Variants in PTPN13 observed in about 807,000 individuals in gnomAD.
The protein encoded by PTPN13 is tyrosine-protein phosphatase non-receptor type 13.
Under a neutral mutation model 284.0 loss-of-function variants are expected in PTPN13, and 191 were observed. The ratio of observed to expected loss-of-function variants is 0.67; its 90% CI spans 0.60 to 0.76. The LOEUF (loss-of-function observed/expected upper bound fraction) is 0.76. Among genes scored for constraint, PTPN13 ranks in the 30% least tolerant of loss-of-function variants. The pLI, the probability that PTPN13 is intolerant of heterozygous loss-of-function variation, is 0.00. For missense variants in PTPN13, 2,797 were observed against 2,939.9 expected, an observed-to-expected ratio of 0.95 and a Z score of 1.12; for synonymous variants, 986 against 1,022.3, an observed-to-expected ratio of 0.96 and a Z score of 0.68.
At chr4:86,759,172 T>C (rs1224139090) in intron 23 of PTPN13, 99 bp downstream of exon 23, 5 of 1,255,586 alleles carry the variant, frequency 4.0e-6, no homozygotes, top group Non-Finnish European at 4.4e-6. Context: ...GTGTACAAAA[T>C]TGATGCAACT....
intron 40 of PTPN13, among the ~76,000 whole-genome samples, chr4:86,796,457 A>T (rs1272443013): frequency 1.3e-5 from 2 of 152,002 alleles, no homozygotes; most frequent in African/African-American, 4.8e-5. Flanking sequence ...CAACATAGTG[A>T]GATCCCATCT....
chr4:86,799,300 T>A, intron 42 of PTPN13, 96 bp downstream of exon 42: 1 of 711,862 alleles, frequency 1.4e-6, no homozygotes, highest in Non-Finnish European at 2.2e-6. Context: ...TGTTTTACCA[T>A]ATGTATACAT....
At chr4:86,790,086 G>T (rs527556767) in intron 40 of PTPN13, among the ~76,000 whole-genome samples, 12 of 152,116 alleles carry the variant, frequency 7.9e-5, no homozygotes, top group Non-Finnish European at 1.3e-4. Context: ...TATATTCTTA[G>T]ACCAGGATTG....
chr4:86,632,052 A>ATCCTTCCTTCCTTCCTTCCT (rs148756344), intron 1 of PTPN13, among the ~76,000 whole-genome samples: 11 of 151,830 alleles, frequency 7.2e-5, no homozygotes, highest in Non-Finnish European at 1.3e-4. Flanking sequence ...TTGTCCTTCC[A>ATCCTTCCTTCCTTCCTTCCT]TCCTTCCTTA....
rs768524267 is a variant in PTPN13, at chr4:86,765,490, T to C, written c.4243+2T>C. 1.0e-4 allele frequency: 161 copies of C among 1,559,688 alleles called. No individual in the cohort carries two copies. Among genetic ancestry groups the C allele is most frequent in the Middle Eastern group, 6.7e-4 (4 of 5,994 alleles). On this transcript the variant is annotated splice_donor_variant, in intron 26 of 47. Transcript: ENST00000411767. LOFTEE classifies it high-confidence loss of function. ...AGTCTGATGGTAGAATTCACAAAGG[T>C]ATAGTGTTTATATTATGTGGGAATT...
At chr4:86,698,014 T>C (rs1157543963) in intron 6 of PTPN13, among the ~76,000 whole-genome samples, 1 of 152,204 alleles carries the variant, frequency 6.6e-6, no homozygotes, top group Non-Finnish European at 1.5e-5. Context: ...ATAAAGTATA[T>C]TTATTGTTTG....
rs565114405 is a variant in PTPN13 at position 86,618,391 on chromosome 4, G to T, written c.-5-16861G>T. Among the ~76,000 whole-genome samples the T allele has an allele frequency of 3.3e-5, 5 of 152,232 alleles. No individual in the cohort carries two copies. The South Asian group carries it at 6.2e-4, about 19-fold the overall frequency. ...CTCCAGCTTTGTTCTTTTGGCTTAG[G>T]ATTGACTTGGCGATGTGGGCTCTTT... On this transcript the variant is annotated intron_variant, in intron 1 of 47. Coordinates refer to ENST00000411767, the MANE Select transcript of PTPN13 (RefSeq NM_080683.3).
In PTPN13 at chr4:86,693,664, A is replaced by ATC; in HGVS notation, c.625_626insCT (p.Leu209SerfsTer13). On this transcript the variant is annotated frameshift_variant, in exon 6 of 48. Transcript: ENST00000411767. LOFTEE classifies it high-confidence loss of function. ...TTCGAGATCGATTGCGAGGAAAAGG[A>ATC]TTACCAACAGGTAAGAGTATATTAA... is the stretch of plus-strand genomic sequence containing the variant. The ATC allele has an allele frequency of 6.4e-7, 1 of 1,551,072 alleles. No homozygotes were observed. Among genetic ancestry groups the ATC allele is most frequent in the Non-Finnish European group, 8.7e-7 (1 of 1,144,712 alleles).
intron 1 of PTPN13, chr4:86,595,857 T>C: frequency 2.1e-5 from 12 of 564,590 alleles, no homozygotes; most frequent in Non-Finnish European, 2.7e-5. Flanking sequence ...GGGGGGGGAG[T>C]AAAAGTGCAT....
At position 86,594,713 on chromosome 4, in the gene PTPN13, G is replaced by T. The variant is rs1005593673; in HGVS notation, c.-82G>T. 2.6e-5 allele frequency: 4 copies of T among 152,550 alleles called. No homozygotes were observed. The highest frequency in any genetic ancestry group is 9.6e-5 in the African/African-American group (4 of 41,562). 9.4% of individuals were successfully genotyped at this position (152,550 alleles called of 1,614,324 possible). Reference sequence around the variant, plus strand: ...CTCTCGGCGCCCGCGGCGGCTGCCGGCGGCCCGCCCCGACGCCGCGTCCCT... The same window carrying T: ...CTCTCGGCGCCCGCGGCGGCTGCCGTCGGCCCGCCCCGACGCCGCGTCCCT... On this transcript the variant is annotated 5_prime_UTR_variant, in exon 1 of 48. Coordinates refer to ENST00000411767, the MANE Select transcript of PTPN13 (RefSeq NM_080683.3).
intron 3 of PTPN13, among the ~76,000 whole-genome samples, chr4:86,682,124 T>C (rs1029937527): frequency 2.0e-5 from 3 of 152,256 alleles, no homozygotes; most frequent in African/African-American, 7.2e-5. Context: ...CTCCCTAGTT[T>C]AGTGACTTTC....
chr4:86,706,441 G>A (rs1015901524), intron 7 of PTPN13, among the ~76,000 whole-genome samples: 1 of 152,136 alleles, frequency 6.6e-6, no homozygotes, highest in Non-Finnish European at 1.5e-5. Flanking sequence ...GATAGTATTA[G>A]GAAAGGCTAA....
In PTPN13 at chr4:86,775,317, A is replaced by C. The variant is rs12507034; in HGVS notation, c.5655A>C (p.Thr1885=). ...PMLPHLLPDI[T]LTCNKEELGF... The stretch of plus-strand genomic sequence containing the variant: ...TGCCTCATTTGCTACCGGACATAAC[A>C]CTAACGTGCAACAAAGAGGAGTTGG... The change falls in exon 34 of 48, where the codon ACA becomes ACC. Residue 1885 remains threonine, a synonymous_variant. Transcript: ENST00000411767. 2 of 1,610,142 alleles carry C rather than the reference A, an allele frequency of 1.2e-6. No homozygotes were observed. The highest frequency in any genetic ancestry group is 2.7e-5 in the African/African-American group (2 of 74,768).
chr4:86,656,173 T>C (rs569896763), intron 2 of PTPN13, among the ~76,000 whole-genome samples: 1 of 152,220 alleles, frequency 6.6e-6, no homozygotes, highest in East Asian at 1.9e-4. Flanking sequence ...TTAGCTTCTT[T>C]GCGATGAGTT....
At chr4:86,713,988 C>T (rs1732718126) in intron 7 of PTPN13, among the ~76,000 whole-genome samples, 1 of 151,748 alleles carries the variant, frequency 6.6e-6, no homozygotes, top group South Asian at 2.1e-4. Context: ...AATTCCTCAC[C>T]CACCTTGATT....
chr4:86,638,653 C>G lies in PTPN13; in HGVS notation c.115+3282C>G, dbSNP rs1342771219. On this transcript the variant is annotated intron_variant, in intron 2 of 47. Coordinates refer to ENST00000411767, the MANE Select transcript of PTPN13 (RefSeq NM_080683.3). ...GTAGAAAGCTGAAACTGGATCCCTTCCTTACACCTTATACAAAAATTAATT... is the reference window on the plus strand; with the variant it reads ...GTAGAAAGCTGAAACTGGATCCCTTGCTTACACCTTATACAAAAATTAATT... Among the ~76,000 whole-genome samples, 6 of 152,276 alleles carry G rather than the reference C, an allele frequency of 3.9e-5. No individual in the cohort carries two copies. The South Asian group carries it at 6.2e-4, about 16-fold the overall frequency.
chr4:86,630,609 G>GT (rs35632984), intron 1 of PTPN13, among the ~76,000 whole-genome samples: 3,770 of 152,214 alleles, frequency 0.025, 70 homozygotes, highest in Non-Finnish European at 0.038. Context: ...ACTCACTGTG[G>GT]TTTTTTAATG....
At chr4:86,775,692 T>C (rs1740557552) in intron 35 of PTPN13, 40 bp downstream of exon 35, 3 of 1,456,116 alleles carry the variant, frequency 2.1e-6, no homozygotes, top group Non-Finnish European at 1.9e-6. Context: ...TGTGCGTGTG[T>C]GTGCATTTCA....
At chr4:86,765,963 G>A (rs1739262621) in intron 26 of PTPN13, among the ~76,000 whole-genome samples, 1 of 152,040 alleles carries the variant, frequency 6.6e-6, no homozygotes, top group Non-Finnish European at 1.5e-5. Context: ...AAGTAGCTGG[G>A]ACTACAGGCG....
Sources: allele counts gnomAD v4.1 joint callset (sites outside exome capture counted in the v4.1 genomes callset), GRCh38; gene constraint gnomAD v4.1.1; transcripts MANE v1.5; gene names NCBI Gene and HGNC (gene_info 2026-07-23, HGNC 2026-07-21).